DOCK8: variants seen among roughly 807,000 people sequenced by gnomAD.
The protein encoded by DOCK8 is dedicator of cytokinesis 8.
A neutral mutation model predicts 245.6 loss-of-function variants in DOCK8; 141 were observed. That is an observed-to-expected ratio of 0.57 (90% confidence interval 0.50 to 0.66). The LOEUF (loss-of-function observed/expected upper bound fraction) is 0.66, where lower values mean the gene tolerates loss of function less well. Among genes scored for constraint, DOCK8 ranks in the 30% least tolerant of loss-of-function variants. The pLI is 0.00. For missense variants in DOCK8, 2,965 were observed against 2,603.4 expected, an observed-to-expected ratio of 1.14 and a Z score of -3.02; for synonymous variants, 1,168 against 970.2, an observed-to-expected ratio of 1.20 and a Z score of -3.79.
intron 38 of DOCK8, 41 bp from the exon 39 acceptor site, chr9:434,742 C>A: frequency 6.3e-7 from 1 of 1,590,592 alleles, no homozygotes; most frequent in Non-Finnish European, 8.6e-7. Flanking sequence ...TGTCATTAAC[C>A]CACTGTCCTC....
chr9:348,951 G>A (rs529395760), intron 14 of DOCK8, among the ~76,000 whole-genome samples: 4 of 152,160 alleles, frequency 2.6e-5, no homozygotes, highest in Non-Finnish European at 4.4e-5. Context: ...CTAAAGCAGA[G>A]GTATTTTAAC....
intron 28 of DOCK8, among the ~76,000 whole-genome samples, chr9:413,238 A>G (rs910369075): frequency 7.2e-5 from 11 of 152,174 alleles, no homozygotes; most frequent in Non-Finnish European, 1.6e-4. Flanking sequence ...CCTATATTAC[A>G]CTGTATACAA....
intron 2 of DOCK8, among the ~76,000 whole-genome samples, chr9:275,124 T>C (rs1430790863): frequency 6.6e-6 from 1 of 152,204 alleles, no homozygotes; most frequent in Non-Finnish European, 1.5e-5. Context: ...GTTTCTTCAT[T>C]TGTAAAATTG....
At chr9:399,111 C>A (rs373153103) in intron 25 of DOCK8, 35 bp from the exon 26 acceptor site, 1 of 1,591,468 alleles carries the variant, frequency 6.3e-7, no homozygotes, top group Non-Finnish European at 8.6e-7. Flanking sequence ...CCAGAGTGTC[C>A]CACAAAATGA....
chr9:240,036 T>G (rs889395415), intron 1 of DOCK8, among the ~76,000 whole-genome samples: 4 of 152,202 alleles, frequency 2.6e-5, no homozygotes, highest in Non-Finnish European at 4.4e-5. Flanking sequence ...TTCTTCACGA[T>G]AAATGCTAGA....
chr9:428,370 G>A lies in DOCK8; in HGVS notation c.4347G>A (p.Ser1449=), dbSNP rs759644903. Residue 1449 remains serine (S), a synonymous_variant, in exon 35 of 48, where the codon TCG becomes TCA. Transcript: ENST00000432829. ...DMQENIIQAS[S]ALDCKDSLLG... ...TTCTTCCATTCCCCCAGGCGAGCTC[G>A]GCTCTGGACTGTAAAGACAGCCTGC... 4.3e-6 allele frequency: 7 copies of A among 1,614,138 alleles called. No homozygotes were observed. Among genetic ancestry groups the A allele is most frequent in the East Asian group, 2.2e-5 (1 of 44,876 alleles).
chr9:336,982 C>T (rs1455724426), intron 12 of DOCK8, among the ~76,000 whole-genome samples: 2 of 152,144 alleles, frequency 1.3e-5, no homozygotes, highest in Non-Finnish European at 2.9e-5. Context: ...CGGGGCCTCT[C>T]TGTAGAGTCC....
At chr9:237,191 G>A (rs746258202) in intron 1 of DOCK8, among the ~76,000 whole-genome samples, 2 of 152,236 alleles carry the variant, frequency 1.3e-5, no homozygotes, top group Non-Finnish European at 2.9e-5. Flanking sequence ...TAAAAACTGT[G>A]TTGTTTTAGT....
At chr9:217,610 G>C (rs2046788336) in intron 1 of DOCK8, among the ~76,000 whole-genome samples, 1 of 152,136 alleles carries the variant, frequency 6.6e-6, no homozygotes, top group African/African-American at 2.4e-5. Context: ...GTGTGGGAGA[G>C]TTATGCTAAG....
intron 1 of DOCK8, among the ~76,000 whole-genome samples, chr9:229,626 A>T (rs1363074883): frequency 6.6e-6 from 1 of 152,150 alleles, no homozygotes; most frequent in Non-Finnish European, 1.5e-5. Flanking sequence ...CTTTATTCTC[A>T]AGAGTTACCA....
At chr9:392,056 T>TGAACC (rs2054218566) in intron 24 of DOCK8, among the ~76,000 whole-genome samples, 1 of 151,146 alleles carries the variant, frequency 6.6e-6, no homozygotes, top group African/African-American at 2.4e-5. Flanking sequence ...GAGAATTGCT[T>TGAACC]GAACCTGGGA....
intron 5 of DOCK8, among the ~76,000 whole-genome samples, chr9:309,671 T>C (rs568950123): frequency 6.6e-6 from 1 of 152,328 alleles, no homozygotes; most frequent in African/African-American, 2.4e-5. Context: ...AGCAAATTTT[T>C]TCCTTTTTGT....
At chr9:214,454 T>G (rs77382222), upstream of DOCK8, 8 of 1,418,982 alleles carry the variant, frequency 5.6e-6, no homozygotes, top group Non-Finnish European at 6.8e-6. Flanking sequence ...CTTTTTTGTC[T>G]TTTTTTTTGG....
chr9:400,301 TCTTCACCGTCACCACCACCTC>T, intron 26 of DOCK8, among the ~76,000 whole-genome samples: 1 of 7,648 alleles, frequency 1.3e-4, no homozygotes, highest in Non-Finnish European at 2.0e-4. Context: ...ACCACCACCA[TCTTCACCGTCACCACCACCTC>T]CACCACCACC....
chr9:330,975 T>C (rs150054623), intron 9 of DOCK8, among the ~76,000 whole-genome samples: 25 of 152,336 alleles, frequency 1.6e-4, no homozygotes, highest in Middle Eastern at 3.4e-3. Flanking sequence ...TGATACACAC[T>C]ACTAGTGCAT....
chr9:436,266 G>A (rs2056899608), intron 39 of DOCK8, among the ~76,000 whole-genome samples: 1 of 152,186 alleles, frequency 6.6e-6, no homozygotes, highest in Non-Finnish European at 1.5e-5. Flanking sequence ...ATTCAGAAAT[G>A]TTTGTTATAA....
At chr9:443,639 C>T (rs777780594) in intron 43 of DOCK8, 123 bp downstream of exon 43, 60 of 751,472 alleles carry the variant, frequency 8.0e-5, no homozygotes, top group Non-Finnish European at 1.2e-4. Context: ...CAAACCTTTT[C>T]GTCTAGAGTT....
chr9:400,637 T>A lies in DOCK8; in HGVS notation c.3234+1378T>A, dbSNP rs959342568. ...CACCTCCACCACCATCACCACCACC[T>A]CCACCATCACCACCACCTCCACCAC... On this transcript the variant is annotated intron_variant, in intron 26 of 47. Coordinates refer to ENST00000432829, the MANE Select transcript of DOCK8 (RefSeq NM_203447.4). Among the ~76,000 whole-genome samples the A allele has an allele frequency of 9.4e-4, 55 of 58,300 alleles. 1 individual carries two copies. Among genetic ancestry groups the A allele is most frequent in the East Asian group, 1.2e-3 (2 of 1,716 alleles). 38.2% of individuals were successfully genotyped at this position (58,300 alleles called of 152,430 possible).
At chr9:305,147 C>T (rs1282314276) in intron 5 of DOCK8, among the ~76,000 whole-genome samples, 1 of 152,034 alleles carries the variant, frequency 6.6e-6, no homozygotes, top group Non-Finnish European at 1.5e-5. Flanking sequence ...CCCTGGGAAA[C>T]AAGGATGGTA....
Sources: gnomAD v4.1 joint callset for allele counts (sites outside exome capture counted in the v4.1 genomes callset) on GRCh38, gnomAD v4.1.1 for gene constraint, MANE v1.5 for transcripts, NCBI Gene and HGNC (gene_info 2026-07-23, HGNC 2026-07-21) for gene names.